RAPGEF4: variants seen among roughly 807,000 people sequenced by gnomAD.
RAPGEF4 encodes the protein RAP guanine-nucleotide-exchange factor (GEF) 4.
Under a neutral mutation model 147.9 loss-of-function variants are expected in RAPGEF4, and 66 were observed. The ratio of observed to expected loss-of-function variants is 0.45; its 90% CI spans 0.37 to 0.55. RAPGEF4 has a LOEUF of 0.55. RAPGEF4 is among the 20% of genes least tolerant of loss of function. RAPGEF4 has a pLI of 0.00. For missense variants in RAPGEF4, 1,071 were observed against 1,257.3 expected, an observed-to-expected ratio of 0.85 and a Z score of 2.24; for synonymous variants, 419 against 442.7, an observed-to-expected ratio of 0.95 and a Z score of 0.67.
intron 6 of RAPGEF4, among the ~76,000 whole-genome samples, chr2:172,937,537 T>C (rs1262497863): frequency 6.6e-6 from 1 of 152,192 alleles, no homozygotes; most frequent in Non-Finnish European, 1.5e-5. Context: ...ATACTATTAG[T>C]ATGACTTATC....
In RAPGEF4 at chr2:172,824,614, A is replaced by G. The variant is rs538186130; in HGVS notation, c.444+10189A>G. On this transcript the variant is annotated intron_variant, in intron 4 of 30. Transcript: ENST00000397081. ...ATCTGTGGGGTTTGTTCAAGGCTGT[A>G]TGATTTAGAGGTTGCCTATGTGGAA... 1.1e-4 allele frequency among the ~76,000 whole-genome samples: 17 copies of G among 152,344 alleles called. 1 individual carries two copies. The South Asian group carries it at 2.3e-3, about 20-fold the overall frequency.
At chr2:172,911,737 A>G (rs1277358024) in intron 4 of RAPGEF4, among the ~76,000 whole-genome samples, 1 of 147,018 alleles carries the variant, frequency 6.8e-6, no homozygotes, top group East Asian at 2.0e-4. Context: ...GGGATTACAG[A>G]CATGAACCAC....
chr2:172,965,285 C>G (rs1022294509), intron 8 of RAPGEF4: 9 of 407,760 alleles, frequency 2.2e-5, no homozygotes, highest in African/African-American at 1.4e-4. Flanking sequence ...CAATCTCCCC[C>G]TCTAGCGGCC....
chr2:172,879,007 C>G (rs1328098982), intron 4 of RAPGEF4, among the ~76,000 whole-genome samples: 1 of 152,098 alleles, frequency 6.6e-6, no homozygotes, highest in African/African-American at 2.4e-5. Context: ...CAGTATTTAT[C>G]AAAATTTTAA....
intron 1 of RAPGEF4, among the ~76,000 whole-genome samples, chr2:172,784,082 A>C (rs936810710): frequency 6.6e-6 from 1 of 152,050 alleles, no homozygotes; most frequent in Non-Finnish European, 1.5e-5. Context: ...ACCACATTTC[A>C]CCTTGATACT....
At chr2:172,945,380 A>G (rs1477946668) in intron 6 of RAPGEF4, among the ~76,000 whole-genome samples, 1 of 152,188 alleles carries the variant, frequency 6.6e-6, no homozygotes, top group African/African-American at 2.4e-5. Flanking sequence ...TGCCAAACCT[A>G]GATCAAATAT....
In RAPGEF4 at chr2:172,960,807, T is replaced by C. The variant is rs1689208660; in HGVS notation, c.585T>C (p.Ile195=). The C allele has an allele frequency of 1.2e-6, 2 of 1,604,812 alleles. No homozygotes were observed. Among genetic ancestry groups the C allele is most frequent in the East Asian group, 4.5e-5 (2 of 44,754 alleles). The change falls in exon 7 of 31, where the codon ATT becomes ATC. Residue 195 remains isoleucine, a synonymous_variant. Coordinates refer to ENST00000397081, the MANE Select transcript of RAPGEF4 (RefSeq NM_007023.4). ...PHVPLRPANT[I]TKVPSEKILR... Reference sequence around the variant, plus strand: ...TTCCTCTTCGTCCTGCTAACACCATTACCAAGGTAATGGGATGTAGGTGGG... The same window carrying C: ...TTCCTCTTCGTCCTGCTAACACCATCACCAAGGTAATGGGATGTAGGTGGG...
intron 6 of RAPGEF4, among the ~76,000 whole-genome samples, chr2:172,951,546 G>A (rs1173983290): frequency 6.6e-6 from 1 of 152,202 alleles, no homozygotes; most frequent in Non-Finnish European, 1.5e-5. Context: ...AAGAGTGCCA[G>A]ATATGGGGCA....
intron 10 of RAPGEF4, among the ~76,000 whole-genome samples, chr2:172,976,542 C>A (rs949483552): frequency 9.2e-5 from 14 of 152,044 alleles, no homozygotes; most frequent in African/African-American, 2.2e-4. Context: ...CCCACACACA[C>A]AAAAAAATAG....
intron 4 of RAPGEF4, among the ~76,000 whole-genome samples, chr2:172,893,075 A>G (rs1698108546): frequency 6.6e-6 from 1 of 151,896 alleles, no homozygotes; most frequent in Non-Finnish European, 1.5e-5. Context: ...TCTGTCGGGC[A>G]CCATGCTACA....
At chr2:173,007,318 G>C (rs1377539940) in intron 17 of RAPGEF4, among the ~76,000 whole-genome samples, 1 of 152,212 alleles carries the variant, frequency 6.6e-6, no homozygotes, top group Non-Finnish European at 1.5e-5. Flanking sequence ...AAAATATTCT[G>C]AGCAAGAAAA....
chr2:172,971,705 A>G (rs1262586520), intron 10 of RAPGEF4, among the ~76,000 whole-genome samples: 1 of 152,096 alleles, frequency 6.6e-6, no homozygotes, highest in African/African-American at 2.4e-5. Context: ...AAGGAATCTA[A>G]TTTTAGGAGA....
intron 1 of RAPGEF4, among the ~76,000 whole-genome samples, chr2:172,748,538 C>T (rs1001797078): frequency 2.0e-5 from 3 of 152,050 alleles, no homozygotes; most frequent in Admixed American, 2.0e-4. Context: ...AAGCTGCCCC[C>T]ATGATTCAGT....
At position 173,018,669 on chromosome 2, in the gene RAPGEF4, C is replaced by G; in HGVS notation, c.2022C>G (p.Val674=). ...GCCTTTGGATAGTTCTGTTTAAGGT[C>G]TATTGCATGGACCACACCTACACAA... ...IRGSDEVLFK[V]YCMDHTYTTI... The change falls in exon 22 of 31, where the codon GTC becomes GTG. Residue 674 remains valine, a synonymous_variant. Transcript: ENST00000397081. The G allele has an allele frequency of 6.2e-7, 1 of 1,613,984 alleles. No homozygotes were observed. The highest frequency in any genetic ancestry group is 8.5e-7 in the Non-Finnish European group (1 of 1,179,982).
At chr2:173,022,143 T>G (rs1425674425) in intron 23 of RAPGEF4, among the ~76,000 whole-genome samples, 1 of 152,212 alleles carries the variant, frequency 6.6e-6, no homozygotes, top group Non-Finnish European at 1.5e-5. Flanking sequence ...CTATGTGACA[T>G]GTTACTGCAC....
At chr2:172,842,874 G>C (rs1691773225) in intron 4 of RAPGEF4, among the ~76,000 whole-genome samples, 1 of 152,198 alleles carries the variant, frequency 6.6e-6, no homozygotes, top group African/African-American at 2.4e-5. Context: ...GTGGCCATTT[G>C]GGAAAACATA....
chr2:172,908,679 G>C (rs956237484), intron 4 of RAPGEF4, among the ~76,000 whole-genome samples: 2 of 152,092 alleles, frequency 1.3e-5, no homozygotes, highest in Admixed American at 1.3e-4. Context: ...AACTATTCTT[G>C]GAACTTTAAT....
chr2:172,990,956 G>C (rs1320377444), intron 15 of RAPGEF4, 31 bp downstream of exon 15: 1 of 1,481,582 alleles, frequency 6.7e-7, no homozygotes, highest in South Asian at 1.1e-5. Context: ...GTAATTGCCA[G>C]ACTATGATTA....
chr2:172,912,082 G>A (rs547288612), intron 4 of RAPGEF4, among the ~76,000 whole-genome samples: 43 of 152,154 alleles, frequency 2.8e-4, no homozygotes, highest in Admixed American at 5.2e-4. Context: ...CTGCCTTCTG[G>A]GTTTTTAGTT....
Sources: allele counts gnomAD v4.1 joint callset (sites outside exome capture counted in the v4.1 genomes callset), GRCh38; gene constraint gnomAD v4.1.1; transcripts MANE v1.5; gene names NCBI Gene and HGNC (gene_info 2026-07-23, HGNC 2026-07-21).